DAB1: variants seen among roughly 807,000 people sequenced by gnomAD.
DAB1 encodes disabled homolog 1.
DAB1 carries 15 observed loss-of-function variants against 64.6 expected under a neutral mutation model. That is an observed-to-expected ratio of 0.23 (90% confidence interval 0.16 to 0.36). The LOEUF is 0.36. DAB1 is among the 10% of genes least tolerant of loss of function. The pLI is 1.00. For missense variants in DAB1, 596 were observed against 706.7 expected, an observed-to-expected ratio of 0.84 and a Z score of 1.78; for synonymous variants, 235 against 251.9, an observed-to-expected ratio of 0.93 and a Z score of 0.64.
intron 1 of DAB1, among the ~76,000 whole-genome samples, chr1:58,534,833 G>C (rs1452364726): frequency 6.6e-6 from 1 of 152,210 alleles, no homozygotes; most frequent in Non-Finnish European, 1.5e-5. Flanking sequence ...CTACATGGGA[G>C]GCTGAAGTGG....
At chr1:57,479,825 GCTTAGGGCTCTCA>G (rs1643989523) in intron 7 of DAB1, among the ~76,000 whole-genome samples, 9 of 152,126 alleles carry the variant, frequency 5.9e-5, no homozygotes, top group Admixed American at 5.9e-4. Flanking sequence ...ATATAAATCA[GCTTAGGGCTCTCA>G]AGACATGCAT....
intron 4 of DAB1, among the ~76,000 whole-genome samples, chr1:58,265,926 CTCA>C (rs1661148628): frequency 6.6e-6 from 1 of 152,080 alleles, no homozygotes; most frequent in South Asian, 2.1e-4. Flanking sequence ...CCAGGAGGTA[CTCA>C]TCAGCCACAG....
chr1:57,238,692 C>G (rs1325700073), intron 2 of DAB1, among the ~76,000 whole-genome samples: 1 of 152,166 alleles, frequency 6.6e-6, no homozygotes, highest in Non-Finnish European at 1.5e-5. Flanking sequence ...ATCTGCACTT[C>G]ACTGTCAGTT....
At chr1:57,206,475 T>C (rs17115362) in intron 2 of DAB1, among the ~76,000 whole-genome samples, 14,069 of 152,282 alleles carry the variant, frequency 0.092, 704 homozygotes, top group South Asian at 0.16. Context: ...CCACTGGGCT[T>C]ATTTTTTACC....
chr1:58,186,113 C>G (rs1363699775), intron 4 of DAB1, among the ~76,000 whole-genome samples: 2 of 152,144 alleles, frequency 1.3e-5, no homozygotes, highest in Admixed American at 6.6e-5. Flanking sequence ...CAGTGGCCAC[C>G]CAGGGAGAGC....
At chr1:58,379,338 A>G (rs145595124) in intron 3 of DAB1, among the ~76,000 whole-genome samples, 17 of 152,384 alleles carry the variant, frequency 1.1e-4, no homozygotes, top group Admixed American at 9.8e-4. Flanking sequence ...AAATGTAGCA[A>G]TACCACATAC....
In DAB1 at chr1:57,838,817, C is replaced by T. The variant is rs570418754; in HGVS notation, n.88-12362G>A. Among the ~76,000 whole-genome samples, 3 of 151,010 alleles carry T rather than the reference C, an allele frequency of 2.0e-5. No individual in the cohort carries two copies. The East Asian group carries it at 5.8e-4, about 29-fold the overall frequency. ...TTTGAGGCAGGGTCTCTCTCTGTCA[C>T]CCAGGCTAGAGTGCAGTGGCACAAT... is the stretch of plus-strand genomic sequence containing the variant. On this transcript the variant is annotated intron_variant and non_coding_transcript_variant, in intron 1 of 1. Coordinates refer to the DAB1 transcript ENST00000477280.
chr1:58,009,042 T>C (rs1019864890), intron 5 of DAB1, among the ~76,000 whole-genome samples: 2 of 152,146 alleles, frequency 1.3e-5, no homozygotes, highest in African/African-American at 4.8e-5. Flanking sequence ...TGCTTATTTA[T>C]CCACACATAT....
chr1:57,076,483 G>T (rs1394003027), intron 4 of DAB1, among the ~76,000 whole-genome samples: 2 of 152,178 alleles, frequency 1.3e-5, no homozygotes, highest in African/African-American at 4.8e-5. Flanking sequence ...ATGGATAAAA[G>T]TTGTCACTAG....
At chr1:58,373,984 G>A (rs950905991) in intron 3 of DAB1, among the ~76,000 whole-genome samples, 7 of 138,920 alleles carry the variant, frequency 5.0e-5, no homozygotes, top group African/African-American at 1.9e-4. Flanking sequence ...CTTCTTTTGA[G>A]AAGTGTCTGT....
intron 6 of DAB1, among the ~76,000 whole-genome samples, chr1:57,651,176 G>A (rs573371399): frequency 2.0e-5 from 3 of 151,860 alleles, no homozygotes; most frequent in African/African-American, 4.8e-5. Context: ...AAGATCTTAT[G>A]GTTAAAAATA....
intron 9 of DAB1, among the ~76,000 whole-genome samples, chr1:57,038,987 C>A (rs886639866): frequency 2.0e-5 from 3 of 152,182 alleles, no homozygotes; most frequent in Non-Finnish European, 4.4e-5. Context: ...CCTCTGGATT[C>A]TTGGCCTTCT....
chr1:57,399,817 T>A (rs1321590701), intron 1 of DAB1, among the ~76,000 whole-genome samples: 1 of 152,198 alleles, frequency 6.6e-6, no homozygotes, highest in Admixed American at 6.5e-5. Flanking sequence ...ATGCATCAGC[T>A]CCAGCCATAA....
At chr1:58,220,135 C>G (rs1312040683) in intron 4 of DAB1, among the ~76,000 whole-genome samples, 1 of 152,134 alleles carries the variant, frequency 6.6e-6, no homozygotes, top group Non-Finnish European at 1.5e-5. Context: ...TTAGCTGTCT[C>G]CTGGAATGGT....
chr1:57,261,608 C>T (rs957370453), intron 2 of DAB1, among the ~76,000 whole-genome samples: 17 of 152,166 alleles, frequency 1.1e-4, no homozygotes, highest in African/African-American at 3.9e-4. Flanking sequence ...TAGAGTGTGA[C>T]AGAGAAGGGA....
intron 7 of DAB1, among the ~76,000 whole-genome samples, chr1:57,430,386 T>C (rs1328520160): frequency 6.6e-6 from 1 of 151,694 alleles, no homozygotes; most frequent in African/African-American, 2.4e-5. Context: ...AATTTTTTTT[T>C]TTTTTTTGAG....
intron 6 of DAB1, among the ~76,000 whole-genome samples, chr1:57,803,037 A>G (rs925124202): frequency 6.6e-6 from 1 of 152,092 alleles, no homozygotes; most frequent in African/African-American, 2.4e-5. Flanking sequence ...ACCCTGAAGG[A>G]GCTGACACCT....
chr1:57,581,372 G>C (rs1374298343), intron 7 of DAB1, among the ~76,000 whole-genome samples: 1 of 152,110 alleles, frequency 6.6e-6, no homozygotes, highest in Middle Eastern at 3.2e-3. Flanking sequence ...TCAAAGGAGT[G>C]GGCTGTGCTG....
intron 7 of DAB1, among the ~76,000 whole-genome samples, chr1:57,527,951 A>G (rs894616600): frequency 1.3e-5 from 2 of 152,192 alleles, no homozygotes; most frequent in African/African-American, 4.8e-5. Flanking sequence ...ACGAAAGATA[A>G]TAAGATATGC....
Sources: gnomAD v4.1 joint callset for allele counts (sites outside exome capture counted in the v4.1 genomes callset) on GRCh38, gnomAD v4.1.1 for gene constraint, MANE v1.5 for transcripts, NCBI Gene and HGNC (gene_info 2026-07-23, HGNC 2026-07-21) for gene names.